The following CD163 variants were observed in gnomAD, a reference collection of about 807,000 sequenced individuals.
The protein encoded by CD163 is scavenger receptor cysteine-rich type 1 protein M130.
In CD163, 64 loss-of-function variants were observed where a neutral mutation model predicts 129.2. That is an observed-to-expected ratio of 0.50 (90% CI 0.41 to 0.61). The LOEUF (loss-of-function observed/expected upper bound fraction) is 0.61, where lower values mean the gene tolerates loss of function less well. Ranked by LOEUF, CD163 falls within the 20% of genes least tolerant of loss-of-function variation. The probability of loss-of-function intolerance (pLI) is 0.00; values close to 1 mark genes in which losing one functional copy is unlikely to be tolerated. For missense variants in CD163, 1,061 were observed against 1,377.9 expected (o/e 0.77, Z 3.64); for synonymous variants, 446 against 478.5 (o/e 0.93, Z 0.89).
Position 7,495,083 on chromosome 12 carries a change from G to A in CD163, c.1418C>T (p.Ser473Leu). Residue 473 changes from serine (S) to leucine (L), a missense_variant and splice_region_variant, in exon 6 of 17, where the codon TCA becomes TTA. Coordinates refer to ENST00000432237, the MANE Select transcript of CD163 (RefSeq NM_203416.4). ...DHYEEAKITC[S>L]AHREPRLVGG... ...AACAAGTTGATTGAAAGTCATACCT[G>A]AGCAGGTAATTTTGGCTTCTTCATA... 4 of 1,612,798 alleles carry A rather than the reference G, an allele frequency of 2.5e-6. No individual in the cohort carries two copies. The African/African-American group carries it at 4.0e-5, about 16-fold the overall frequency.
At chr12:7,478,175 A>G (rs975321948) in intron 16 of CD163, among the ~76,000 whole-genome samples, 2 of 152,108 alleles carry the variant, frequency 1.3e-5, no homozygotes, top group African/African-American at 2.4e-5. Flanking sequence ...TTGTCATTAC[A>G]TACTAGTGAC....
intron 11 of CD163, among the ~76,000 whole-genome samples, chr12:7,484,796 C>A (rs1195805222): frequency 6.6e-6 from 1 of 152,058 alleles, no homozygotes; most frequent in African/African-American, 2.4e-5. Context: ...AAATATTAAA[C>A]CACATATTCT....
rs1565402805 is a variant in CD163 at position 7,487,586 on chromosome 12, C to G, written c.1823G>C (p.Cys608Ser). Residue 608 changes from cysteine (C) to serine (S), a missense_variant, in exon 8 of 17, where the codon TGT becomes TCT. Physicochemically the swap from Cys to Ser is moderately radical, Grantham distance 112. Coordinates refer to ENST00000432237, the MANE Select transcript of CD163 (RefSeq NM_203416.4). The surrounding 1 kb of genome is among the most constrained non-coding windows in gnomAD (Gnocchi z 5.1). ...LKTLGAWGSL[C>S]NSHWDIEDAH... ...ATCTTCTATGTCCCAGTGAGAGTTA[C>G]AGAGGGATCCCCAGGCACCAAGCGT... is the stretch of plus-strand genomic sequence containing the variant. 6.2e-7 allele frequency: 1 copy of G among 1,614,132 alleles called. No homozygotes were observed. The highest frequency in any genetic ancestry group is 1.7e-5 in the Admixed American group (1 of 60,030).
chr12:7,501,634 T>A (rs760412921), intron 2 of CD163, among the ~76,000 whole-genome samples, 172 bp from the exon 3 acceptor site: 3 of 152,364 alleles, frequency 2.0e-5, no homozygotes, highest in African/African-American at 7.2e-5. Flanking sequence ...TAAGTATCAG[T>A]ATCACTGGTT....
intron 15 of CD163, 126 bp from the exon 16 acceptor site, chr12:7,480,039 T>C: frequency 6.3e-7 from 1 of 1,581,394 alleles, no homozygotes; most frequent in Non-Finnish European, 8.5e-7. Context: ...ACCAGACCTC[T>C]TCTCACGTAA....
chr12:7,501,263 T>C lies in CD163; in HGVS notation c.333A>G (p.Gly111=), dbSNP rs367708211. ...AAGAAACATGATCCATCCAAATGCG[T>C]CCAGAACCTGCACTGGAATTAGCCC... is the stretch of plus-strand genomic sequence containing the variant. ...PGWANSSAGS[G]RIWMDHVSCR... The change falls in exon 3 of 17, where the codon GGA becomes GGG. Residue 111 remains glycine, a synonymous_variant. Transcript: ENST00000432237. 3.1e-6 allele frequency: 5 copies of C among 1,614,186 alleles called. No homozygotes were observed. Among genetic ancestry groups the C allele is most frequent in the Non-Finnish European group, 4.2e-6 (5 of 1,180,038 alleles).
rs1377220958 is a variant in CD163 at position 7,503,668 on chromosome 12, A to T, written c.23T>A (p.Leu8Gln). 6.2e-7 allele frequency: 1 copy of T among 1,604,322 alleles called. No homozygotes were observed. The highest frequency in any genetic ancestry group is 1.1e-5 in the South Asian group (1 of 90,450). Residue 8 changes from leucine (L) to glutamine (Q), a missense_variant, in exon 1 of 17, where the codon CTA becomes CAA. Coordinates refer to ENST00000432237, the MANE Select transcript of CD163 (RefSeq NM_203416.4). MSKLRMV[L>Q]LEDSGSADFR... ...ACCAGCAGATCCAGAGTCTTCAAGT[A>T]GCACCATTCTGAGTTTGCTCATTCC... is the stretch of plus-strand genomic sequence containing the variant.
intron 4 of CD163, among the ~76,000 whole-genome samples, chr12:7,498,237 C>T (rs1307737583): frequency 6.6e-6 from 1 of 152,120 alleles, no homozygotes; most frequent in Non-Finnish European, 1.5e-5. Context: ...GTTCAAGACA[C>T]ACTCAATCTC....
rs1949261830 is a variant in CD163, at chr12:7,487,079, TTA to T, written c.2051-95_2051-94del. ...TGGATGAGTTGAGGACAAACATAGC[TTA>T]GAGAGAGAGGGGAAGGTGGATGGTC... is the stretch of plus-strand genomic sequence containing the variant. On this transcript the variant is annotated intron_variant, in intron 8 of 16. Transcript: ENST00000432237. This position sits in a 1 kb window ranked among gnomAD's most constrained non-coding sequence, Gnocchi z 5.1. 7.0e-6 allele frequency: 7 copies of T among 1,006,540 alleles called. No homozygotes were observed. The highest frequency in any genetic ancestry group is 1.6e-5 in the African/African-American group (1 of 62,134). 62.4% of individuals were successfully genotyped at this position (1,006,540 alleles called of 1,614,324 possible).
chr12:7,481,389 C>A, intron 14 of CD163, 133 bp from the exon 15 acceptor site: 2 of 643,134 alleles, frequency 3.1e-6, no homozygotes, highest in Non-Finnish European at 5.6e-6. Context: ...CATTCTACTA[C>A]CAAGCTCTTC....
chr12:7,503,602 A>G, intron 1 of CD163, 43 bp downstream of exon 1: 6 of 1,253,322 alleles, frequency 4.8e-6, no homozygotes, highest in Non-Finnish European at 7.0e-6. Context: ...ATAATTACAT[A>G]CCCCATTAAA....
intron 11 of CD163, among the ~76,000 whole-genome samples, chr12:7,484,729 G>T (rs1591998824): frequency 2.7e-5 from 4 of 150,704 alleles, no homozygotes; most frequent in African/African-American, 9.7e-5. Flanking sequence ...TTATATTAGT[G>T]TAACAAGATA....
chr12:7,474,083 GT>G (rs778925540), intron 16 of CD163, among the ~76,000 whole-genome samples: 30 of 152,150 alleles, frequency 2.0e-4, no homozygotes, highest in Admixed American at 2.0e-3. Flanking sequence ...CATAAAGCAA[GT>G]TCTTAGAGAC....
chr12:7,502,241 CT>C (rs1349764747), intron 2 of CD163, among the ~76,000 whole-genome samples: 1 of 152,118 alleles, frequency 6.6e-6, no homozygotes, highest in Non-Finnish European at 1.5e-5. Flanking sequence ...AACATTATTT[CT>C]AATCTTTAAG....
intron 16 of CD163, among the ~76,000 whole-genome samples, chr12:7,478,150 G>T (rs2136688972): frequency 6.6e-6 from 1 of 152,190 alleles, no homozygotes; most frequent in African/African-American, 2.4e-5. Context: ...ATGGCAGAAA[G>T]GAATCTTTGT....
Position 7,490,469 on chromosome 12 carries a change from A to G in CD163, c.1421-2382T>C, listed in dbSNP as rs202008700. ...AGAGGCAATATAAAGTACTTAAGAG[A>G]TACAAACTATTTCTTTTAACTTGTT... On this transcript the variant is annotated intron_variant, in intron 6 of 16. Coordinates refer to ENST00000432237, the MANE Select transcript of CD163 (RefSeq NM_203416.4). Among the ~76,000 whole-genome samples, 17 of 152,184 alleles carry G rather than the reference A, an allele frequency of 1.1e-4. No individual in the cohort carries two copies. In the East Asian group the frequency reaches 3.1e-3, roughly 28 times the overall value.
At position 7,486,776 on chromosome 12, in the gene CD163, G is replaced by T. The variant is rs747012462; in HGVS notation, c.2181C>A (p.Arg727=). 1 of 1,612,140 alleles carries T rather than the reference G, an allele frequency of 6.2e-7. No individual in the cohort carries two copies. The highest frequency in any genetic ancestry group is 1.3e-5 in the African/African-American group (1 of 74,884). Residue 727 remains arginine, a synonymous_variant, in exon 10 of 17, where the codon CGC becomes CGA. Transcript: ENST00000432237. ...GATAGATCTCTACTCTCCCAGCACA[G>T]CGACCTCCTCCATTTACCAGGCGAA... ...GQLRLVNGGG[R]CAGRVEIYHE... is the part of the protein sequence containing the mutation.
In CD163 at chr12:7,495,301, T is replaced by C; in HGVS notation, c.1200A>G (p.Arg400=). 2 of 1,614,182 alleles carry C rather than the reference T, an allele frequency of 1.2e-6. No individual in the cohort carries two copies. Residue 400 remains arginine (R), a synonymous_variant, in exon 6 of 17, where the codon AGA becomes AGG. Transcript: ENST00000432237. ...CATCAGCTTCTTTCAGTCCCCAGCC[T>C]CTGTCACACACCTTCCCTAACAGTC... ...IQRLLGKVCD[R]GWGLKEADVV...
Position 7,501,375 on chromosome 12 carries a change from G to A in CD163, c.221C>T (p.Thr74Met), listed in dbSNP as rs372647561. 5.0e-6 allele frequency: 8 copies of A among 1,613,778 alleles called. No homozygotes were observed. Among genetic ancestry groups the A allele is most frequent in the African/African-American group, 2.7e-5 (2 of 74,864 alleles). The change falls in exon 3 of 17, where the codon ACG (threonine) becomes ATG (methionine). Residue 74 changes from threonine to methionine, a missense_variant. Thr to Met is a moderately conservative substitution (Grantham distance 81, BLOSUM62 -1). Transcript: ENST00000432237. The part of the protein sequence containing the change: ...VEVKVQEEWG[T>M]VCNNGWSMEA... ...CATGCTCCAGCCATTATTACACACC[G>A]TTCCCCACTCCTCCTGGACTTTCAC...
Sources: allele counts gnomAD v4.1 joint callset (sites outside exome capture counted in the v4.1 genomes callset), GRCh38; gene constraint gnomAD v4.1.1; non-coding constraint Gnocchi (gnomAD v3.1); transcripts MANE v1.5; gene names NCBI Gene and HGNC (gene_info 2026-07-23, HGNC 2026-07-21).